The following ST18 variants were observed in gnomAD, a reference collection of about 807,000 sequenced individuals.
The protein encoded by ST18 is suppression of tumorigenicity 18 protein.
A neutral mutation model predicts 110.0 loss-of-function variants in ST18; 50 were observed. The ratio of observed to expected loss-of-function variants is 0.45; its 90% CI spans 0.36 to 0.58. The LOEUF is 0.58. ST18 is among the 20% of genes least tolerant of loss of function. ST18 has a pLI of 0.00. For missense variants in ST18, 1,306 were observed against 1,280.1 expected (o/e 1.02, Z -0.31); for synonymous variants, 461 against 452.4 (o/e 1.02, Z -0.24).
intron 8 of ST18, among the ~76,000 whole-genome samples, chr8:52,187,256 A>G (rs1050200870): frequency 4.6e-5 from 7 of 152,222 alleles, no homozygotes; most frequent in African/African-American, 1.7e-4. Context: ...AATTATTTAC[A>G]TGTATCAGCC....
chr8:52,267,552 C>T (rs761082530), intron 2 of ST18, among the ~76,000 whole-genome samples: 7 of 150,868 alleles, frequency 4.6e-5, no homozygotes, highest in Non-Finnish European at 8.8e-5. Flanking sequence ...TGACAGTGTC[C>T]TCGGAAGACA....
At chr8:52,195,404 T>C (rs1435810133) in intron 8 of ST18, among the ~76,000 whole-genome samples, 1 of 152,074 alleles carries the variant, frequency 6.6e-6, no homozygotes, top group East Asian at 1.9e-4. Flanking sequence ...TAATAAAATA[T>C]ATGTGACTTT....
chr8:52,254,555 C>T (rs2094465443), intron 2 of ST18, among the ~76,000 whole-genome samples: 1 of 152,134 alleles, frequency 6.6e-6, no homozygotes, highest in South Asian at 2.1e-4. Flanking sequence ...CCTTCCAAAC[C>T]TCCCATATAT....
chr8:52,354,645 C>T (rs1821863214), intron 2 of ST18, among the ~76,000 whole-genome samples: 1 of 152,054 alleles, frequency 6.6e-6, no homozygotes, highest in South Asian at 2.1e-4. Context: ...CCCTGGAGCC[C>T]TCCAATGTTA....
intron 2 of ST18, among the ~76,000 whole-genome samples, chr8:52,295,993 T>A (rs62499817): frequency 0.12 from 18,169 of 151,696 alleles, 1,473 homozygotes; most frequent in Middle Eastern, 0.24. Flanking sequence ...CACAATGTCT[T>A]GCTGGAAAAA....
At chr8:52,283,011 G>A (rs1050062524) in intron 2 of ST18, among the ~76,000 whole-genome samples, 2 of 152,178 alleles carry the variant, frequency 1.3e-5, no homozygotes, top group Non-Finnish European at 2.9e-5. Flanking sequence ...GGAAGACCAG[G>A]TAAGGGGCTA....
intron 2 of ST18, among the ~76,000 whole-genome samples, chr8:52,256,225 T>G (rs914648686): frequency 1.3e-5 from 2 of 152,252 alleles, no homozygotes; most frequent in Non-Finnish European, 2.9e-5. Context: ...GCATGTGGGC[T>G]AATATCAGTT....
At chr8:52,136,858 T>C (rs189079542) in intron 18 of ST18, among the ~76,000 whole-genome samples, 200 bp from the exon 19 acceptor site, 199 of 152,238 alleles carry the variant, frequency 1.3e-3, no homozygotes, top group Middle Eastern at 3.4e-3. Flanking sequence ...TAGACTCAGA[T>C]TTTCTGTTTA....
intron 16 of ST18, among the ~76,000 whole-genome samples, chr8:52,147,878 CG>C (rs1554617884): frequency 6.6e-6 from 1 of 152,134 alleles, no homozygotes; most frequent in Non-Finnish European, 1.5e-5. Context: ...AAAGCTAACT[CG>C]TATGTAGTAG....
chr8:52,280,972 T>C (rs2095365445), intron 2 of ST18, among the ~76,000 whole-genome samples: 1 of 152,024 alleles, frequency 6.6e-6, no homozygotes, highest in African/African-American at 2.4e-5. Flanking sequence ...ATTAGTAATA[T>C]CACAGAGACC....
Position 52,396,261 on chromosome 8 carries a change from A to AT in ST18, c.-465+13066dup, listed in dbSNP as rs1487829795. ...TTTTCATTCTACATATGACTACTTT[A>AT]TTTTTTTGACCTACATCTCCCCATT... On this transcript the variant is annotated intron_variant, in intron 2 of 25. Coordinates refer to ENST00000689386, the MANE Select transcript of ST18 (RefSeq NM_001352837.2). 2.6e-5 allele frequency among the ~76,000 whole-genome samples: 4 copies of AT among 151,922 alleles called. No homozygotes were observed. In the Admixed American group the frequency reaches 2.6e-4, roughly 10 times the overall value.
chr8:52,374,079 A>G (rs547235846), intron 2 of ST18, among the ~76,000 whole-genome samples: 2 of 152,224 alleles, frequency 1.3e-5, no homozygotes, highest in South Asian at 4.2e-4. Context: ...AACCAATCCA[A>G]AGATAACTTC....
chr8:52,166,764 C>A, intron 11 of ST18, 88 bp downstream of exon 11: 1 of 1,377,412 alleles, frequency 7.3e-7, no homozygotes, highest in Admixed American at 2.6e-5. Flanking sequence ...TGTTTCCATT[C>A]CTAATTCCAA....
chr8:52,211,377 A>AATAATT (rs1554721682), intron 8 of ST18, among the ~76,000 whole-genome samples: 7 of 138,450 alleles, frequency 5.1e-5, no homozygotes, highest in Middle Eastern at 3.4e-3. Context: ...GGAATCATCT[A>AATAATT]ATTATTATTA....
intron 2 of ST18, among the ~76,000 whole-genome samples, chr8:52,374,720 T>C (rs967140488): frequency 6.6e-6 from 1 of 152,110 alleles, no homozygotes; most frequent in African/African-American, 2.4e-5. Flanking sequence ...TGTGTGTTAT[T>C]CCCCTCCCTG....
chr8:52,135,032 C>T (rs757401887), intron 19 of ST18, among the ~76,000 whole-genome samples: 12 of 152,102 alleles, frequency 7.9e-5, no homozygotes, highest in Non-Finnish European at 1.8e-4. Context: ...CAGTGTATTA[C>T]CAACATTTTT....
chr8:52,302,851 A>C (rs559477075), intron 2 of ST18, among the ~76,000 whole-genome samples: 4 of 152,316 alleles, frequency 2.6e-5, no homozygotes, highest in Admixed American at 1.3e-4. Context: ...AATACCAAAA[A>C]ATACATAGAA....
At chr8:52,204,054 A>G (rs1221438351) in intron 8 of ST18, among the ~76,000 whole-genome samples, 1 of 152,216 alleles carries the variant, frequency 6.6e-6, no homozygotes, top group African/African-American at 2.4e-5. Flanking sequence ...ATACATGATG[A>G]ATGTTTAAGG....
chr8:52,399,637 T>C (rs1181062200), intron 2 of ST18, among the ~76,000 whole-genome samples: 4 of 152,048 alleles, frequency 2.6e-5, no homozygotes, highest in Non-Finnish European at 5.9e-5. Context: ...ATGTTTCCAT[T>C]GTCATTTTTC....
Sources: gnomAD v4.1 joint callset for allele counts (sites outside exome capture counted in the v4.1 genomes callset) on GRCh38, gnomAD v4.1.1 for gene constraint, MANE v1.5 for transcripts, NCBI Gene and HGNC (gene_info 2026-07-23, HGNC 2026-07-21) for gene names.